The following ARHGAP29 variants were observed in gnomAD, a reference collection of about 807,000 sequenced individuals.
The protein encoded by ARHGAP29 is Rho GTPase activating protein 29, also known as rho GTPase-activating protein 29.
A neutral mutation model predicts 122.6 loss-of-function variants in ARHGAP29; 43 were observed. That is an observed-to-expected ratio of 0.35 (90% CI 0.27 to 0.45). ARHGAP29 has a LOEUF of 0.45. Among genes scored for constraint, ARHGAP29 ranks in the 20% least tolerant of loss-of-function variants. The pLI, the probability that ARHGAP29 is intolerant of heterozygous loss-of-function variation, is 1.00. For synonymous variants in ARHGAP29, 506 were observed against 497.1 expected (o/e 1.02, Z -0.24); for missense variants, 1,303 against 1,477.2 (o/e 0.88, Z 1.93).
chr1:94,280,328 C>T, the ARHGAP29 span, among the ~76,000 whole-genome samples: 1 of 152,116 alleles, frequency 6.6e-6, no homozygotes, highest in Non-Finnish European at 1.5e-5. Flanking sequence ...GGTTACCTGC[C>T]AAAGGCTGTG....
At chr1:94,194,260 G>A (rs1211245499) in intron 12 of ARHGAP29, 1 of 152,088 alleles carries the variant, frequency 6.6e-6, no homozygotes, top group African/African-American at 2.4e-5. Context: ...GTTTTTCACA[G>A]TTCATTACTA....
the ARHGAP29 span, among the ~76,000 whole-genome samples, chr1:94,285,443 A>G: frequency 2.3e-4 from 35 of 152,208 alleles, no homozygotes; most frequent in African/African-American, 8.4e-4. Flanking sequence ...GAGCTGTAAT[A>G]AAGTTAAGCT....
intron 16 of ARHGAP29, among the ~76,000 whole-genome samples, chr1:94,185,785 T>C (rs1649763246): frequency 6.6e-6 from 1 of 152,202 alleles, no homozygotes; most frequent in South Asian, 2.1e-4. Flanking sequence ...ATATGCTCTT[T>C]CATAGAGCTG....
intron 3 of ARHGAP29, among the ~76,000 whole-genome samples, chr1:94,217,709 AG>A (rs1286783314): frequency 2.6e-5 from 4 of 152,138 alleles, no homozygotes; most frequent in Admixed American, 1.3e-4. Context: ...CAGCTGGGAG[AG>A]TGACAGCTCA....
At chr1:94,223,427 A>T (rs967638630) in intron 2 of ARHGAP29, among the ~76,000 whole-genome samples, 1 of 151,080 alleles carries the variant, frequency 6.6e-6, no homozygotes, top group Non-Finnish European at 1.5e-5. Context: ...CCTCATCTAT[A>T]AAAAAAAAGA....
chr1:94,278,319 TA>T (rs1005799695), upstream of ARHGAP29, among the ~76,000 whole-genome samples: 276 of 145,802 alleles, frequency 1.9e-3, 3 homozygotes, highest in East Asian at 0.033. Context: ...ACCCTGTCTC[TA>T]AAAAAAAAAA....
At chr1:94,291,855 C>T in the ARHGAP29 span, among the ~76,000 whole-genome samples, 2 of 152,200 alleles carry the variant, frequency 1.3e-5, no homozygotes, top group Admixed American at 6.5e-5. Context: ...TTGTGGGTAA[C>T]CCAACCCTTC....
At chr1:94,184,375 T>C in intron 18 of ARHGAP29, 87 bp from the exon 19 acceptor site, 1 of 924,334 alleles carries the variant, frequency 1.1e-6, no homozygotes, top group Admixed American at 2.8e-5. Flanking sequence ...TGATTTTCAA[T>C]CTTTTCACTC....
the ARHGAP29 span, among the ~76,000 whole-genome samples, chr1:94,285,340 T>TA: frequency 2.7e-3 from 392 of 144,652 alleles, 1 homozygote; most frequent in African/African-American, 8.9e-3. Flanking sequence ...AGATACAGGT[T>TA]AAAAAAAAAA....
rs958822041 is a variant in ARHGAP29, at chr1:94,178,250, G to A, written c.2481-83C>T. On this transcript the variant is annotated intron_variant, in intron 20 of 22. Transcript: ENST00000260526. ...TAGTTTACTATGGAATAGAGAGGGT[G>A]GAGGGAAAATGAGCTGCACAAAAAT... 42 of 1,361,468 alleles carry A rather than the reference G, an allele frequency of 3.1e-5. No homozygotes were observed. The East Asian group carries it at 9.1e-4, about 29-fold the overall frequency. The allele number at this position is 1,361,468 out of a possible 1,614,324, so 84.3% of individuals were successfully genotyped here.
chr1:94,217,717 C>G (rs1474847731), intron 3 of ARHGAP29, among the ~76,000 whole-genome samples: 3 of 151,976 alleles, frequency 2.0e-5, no homozygotes, highest in Non-Finnish European at 4.4e-5. Context: ...AGAGTGACAG[C>G]TCACATCTGT....
At chr1:94,183,205 T>A (rs116533855) in intron 19 of ARHGAP29, among the ~76,000 whole-genome samples, 250 of 33,192 alleles carry the variant, frequency 7.5e-3, no homozygotes, top group Non-Finnish European at 0.017. Flanking sequence ...TTAAAAAAAA[T>A]TTTTTTTTTT....
chr1:94,172,981 A>G lies in ARHGAP29; in HGVS notation c.*888T>C, dbSNP rs1018349480. The G allele has an allele frequency of 2.0e-5, 3 of 152,576 alleles. No homozygotes were observed. Among genetic ancestry groups the G allele is most frequent in the Admixed American group, 2.0e-4 (3 of 15,274 alleles). The allele number at this position is 152,576 out of a possible 1,614,324, so 9.5% of individuals were successfully genotyped here. A position where few individuals can be genotyped will look rare whatever the true frequency, so the allele number is the denominator to read the frequency against. On this transcript the variant is annotated 3_prime_UTR_variant, in exon 23 of 23. Coordinates refer to ENST00000260526, the MANE Select transcript of ARHGAP29 (RefSeq NM_004815.4). ...ATTCCTAAGTCAAAACATTTCATAC[A>G]AAAGGAATGGTTTTAACCCAGACAA...
Position 94,177,994 on chromosome 1 carries a change from ATCT to A in ARHGAP29, c.2651_2653del (p.Lys884del), listed in dbSNP as rs1442017478. The stretch of plus-strand genomic sequence containing the variant: ...TTGTGGTTGTAGGGACCCATCGAAG[ATCT>A]TCTGTGAGTAAGTAATGAGAAACTC... On this transcript the variant is annotated inframe_deletion, in exon 21 of 23. Coordinates refer to ENST00000260526, the MANE Select transcript of ARHGAP29 (RefSeq NM_004815.4). 1.2e-6 allele frequency: 2 copies of A among 1,614,152 alleles called. No homozygotes were observed. Among genetic ancestry groups the A allele is most frequent in the African/African-American group, 2.7e-5 (2 of 75,044 alleles).
intron 3 of ARHGAP29, 119 bp from the exon 4 acceptor site, chr1:94,209,469 T>A: frequency 1.8e-6 from 1 of 563,492 alleles, no homozygotes; most frequent in Non-Finnish European, 2.9e-6. Context: ...ATTCAGAAAT[T>A]GAAAAGCCTA....
At chr1:94,230,958 T>TAA (rs201153043) in intron 2 of ARHGAP29, among the ~76,000 whole-genome samples, 2 of 145,194 alleles carry the variant, frequency 1.4e-5, no homozygotes, top group Non-Finnish European at 3.1e-5. Context: ...TGATTTTTGT[T>TAA]AAAAAAAAAA....
Position 94,177,621 on chromosome 1 carries a change from A to G in ARHGAP29, c.2896T>C (p.Cys966Arg), listed in dbSNP as rs756683362. 1 of 1,610,858 alleles carries G rather than the reference A, an allele frequency of 6.2e-7. No individual in the cohort carries two copies. Among genetic ancestry groups the G allele is most frequent in the South Asian group, 1.1e-5 (1 of 90,206 alleles). The change falls in exon 22 of 23, where the codon TGT (cysteine) becomes CGT (arginine). Residue 966 changes from cysteine (C) to arginine (R), a missense_variant. Around this residue, in one of 3 missense-constraint regions of ARHGAP29, gnomAD observed 620 missense variants for 651.2 expected, o/e 0.95. Coordinates refer to ENST00000260526, the MANE Select transcript of ARHGAP29 (RefSeq NM_004815.4). ...TTACATGGCTACTCACCACTGAGACATGCATCACATTTTCCTAACGCATTT... is the reference window on the plus strand; with the variant it reads ...TTACATGGCTACTCACCACTGAGACGTGCATCACATTTTCCTAACGCATTT... ...KQNALGKCDA[C>R]LSDKAQLLLD...
At chr1:94,267,299 A>G (rs1364239464) in intron 1 of ARHGAP29, among the ~76,000 whole-genome samples, 1 of 152,216 alleles carries the variant, frequency 6.6e-6, no homozygotes, top group African/African-American at 2.4e-5. Context: ...GATGTGGTCT[A>G]TAGTTTTGGT....
At chr1:94,199,267 C>A (rs939556917) in intron 12 of ARHGAP29, among the ~76,000 whole-genome samples, 18 of 151,732 alleles carry the variant, frequency 1.2e-4, no homozygotes, top group African/African-American at 4.1e-4. Context: ...TACTTCAGTG[C>A]AACAAAATAG....
Sources: allele counts gnomAD v4.1 joint callset (sites outside exome capture counted in the v4.1 genomes callset), GRCh38; gene constraint gnomAD v4.1.1; regional missense constraint gnomAD v4.1.1; transcripts MANE v1.5; gene names NCBI Gene and HGNC (gene_info 2026-07-23, HGNC 2026-07-21).